The following AGBL4 variants were observed in gnomAD, a reference collection of about 807,000 sequenced individuals.
The protein encoded by AGBL4 is AGBL carboxypeptidase 4.
AGBL4 carries 58 observed loss-of-function variants against 66.4 expected under a neutral mutation model. The ratio of observed to expected loss-of-function variants is 0.87; its 90% CI spans 0.71 to 1.09. AGBL4 has a LOEUF of 1.09. Among genes scored for constraint, AGBL4 ranks in the 50% least tolerant of loss-of-function variants. The pLI is 0.00. For synonymous variants in AGBL4, 234 were observed against 222.9 expected (o/e 1.05, Z -0.44); for missense variants, 579 against 631.0 (o/e 0.92, Z 0.88).
At chr1:48,952,895 T>C (rs958339335) in intron 5 of AGBL4, among the ~76,000 whole-genome samples, 1 of 152,130 alleles carries the variant, frequency 6.6e-6, no homozygotes, top group African/African-American at 2.4e-5. Context: ...CTATCATTAG[T>C]GTTAGTGCAT....
At chr1:48,604,100 T>C (rs898849851) in intron 9 of AGBL4, among the ~76,000 whole-genome samples, 1 of 152,012 alleles carries the variant, frequency 6.6e-6, no homozygotes, top group Non-Finnish European at 1.5e-5. Flanking sequence ...ACCACCGCAC[T>C]ACAGCCTGGG....
At chr1:49,478,875 TTC>T (rs1161621498) in intron 3 of AGBL4, among the ~76,000 whole-genome samples, 1 of 133,732 alleles carries the variant, frequency 7.5e-6, no homozygotes, top group African/African-American at 2.6e-5. Flanking sequence ...TTTATTAATT[TTC>T]TTTTTGTTTG....
intron 6 of AGBL4, among the ~76,000 whole-genome samples, chr1:48,701,779 G>A (rs1429568892): frequency 6.6e-6 from 1 of 152,164 alleles, no homozygotes; most frequent in Non-Finnish European, 1.5e-5. Context: ...CCGGATGCCA[G>A]TTCCTTTGTT....
intron 12 of AGBL4, among the ~76,000 whole-genome samples, chr1:48,535,861 G>A (rs1004684765): frequency 2.6e-5 from 4 of 152,004 alleles, no homozygotes; most frequent in Non-Finnish European, 5.9e-5. Flanking sequence ...GGTTGAAGTC[G>A]GTAATTTTGG....
chr1:49,961,326 T>C (rs538730881), intron 1 of AGBL4, among the ~76,000 whole-genome samples: 14 of 151,828 alleles, frequency 9.2e-5, no homozygotes, highest in African/African-American at 2.9e-4. Flanking sequence ...CTGGGCAACA[T>C]AGTGAGACAC....
At chr1:49,244,545 G>T (rs1392161797) in intron 4 of AGBL4, among the ~76,000 whole-genome samples, 1 of 151,726 alleles carries the variant, frequency 6.6e-6, no homozygotes, top group Non-Finnish European at 1.5e-5. Context: ...ATAGAAAATT[G>T]CCAAGTATCA....
intron 1 of AGBL4, among the ~76,000 whole-genome samples, chr1:49,899,589 T>C (rs138923666): frequency 2.4e-4 from 36 of 152,238 alleles, no homozygotes; most frequent in African/African-American, 8.4e-4. Context: ...CATGGACTTG[T>C]TTCTTTATCT....
chr1:49,108,124 C>A (rs1378547666), intron 4 of AGBL4, among the ~76,000 whole-genome samples: 1 of 152,200 alleles, frequency 6.6e-6, no homozygotes, highest in Non-Finnish European at 1.5e-5. Flanking sequence ...CAACCCTCTG[C>A]ACTGTAAGAA....
intron 3 of AGBL4, among the ~76,000 whole-genome samples, chr1:49,657,780 G>A (rs1237097387): frequency 2.0e-5 from 3 of 152,152 alleles, no homozygotes; most frequent in Admixed American, 1.3e-4. Context: ...TTTAATAAAT[G>A]GTGCTGGGAA....
At chr1:49,237,008 C>G (rs936509189) in intron 4 of AGBL4, among the ~76,000 whole-genome samples, 4 of 151,792 alleles carry the variant, frequency 2.6e-5, no homozygotes, top group African/African-American at 9.7e-5. Context: ...GTAATCCCAG[C>G]ACTTTGGGAG....
intron 3 of AGBL4, among the ~76,000 whole-genome samples, chr1:49,685,267 A>G (rs983792611): frequency 3.3e-5 from 5 of 152,014 alleles, no homozygotes; most frequent in African/African-American, 1.2e-4. Flanking sequence ...TACATACCAC[A>G]TTTTCTTCAA....
At chr1:49,197,847 T>A (rs1333274298) in intron 4 of AGBL4, among the ~76,000 whole-genome samples, 1 of 152,150 alleles carries the variant, frequency 6.6e-6, no homozygotes, top group Non-Finnish European at 1.5e-5. Context: ...CTATATTCAT[T>A]TCTTGGTTCT....
At chr1:49,551,818 T>C (rs911666178) in intron 3 of AGBL4, among the ~76,000 whole-genome samples, 1 of 152,248 alleles carries the variant, frequency 6.6e-6, no homozygotes, top group East Asian at 1.9e-4. Context: ...GCTGTGGTAG[T>C]ATAGAGAGGA....
intron 5 of AGBL4, among the ~76,000 whole-genome samples, chr1:48,960,856 C>T (rs1329113510): frequency 6.6e-6 from 1 of 152,160 alleles, no homozygotes; most frequent in East Asian, 1.9e-4. Context: ...TGCTATGGGT[C>T]ATATATAAAA....
At chr1:49,788,211 A>C (rs1228177458) in intron 2 of AGBL4, among the ~76,000 whole-genome samples, 1 of 152,224 alleles carries the variant, frequency 6.6e-6, no homozygotes, top group Non-Finnish European at 1.5e-5. Flanking sequence ...GCCCCAAGTT[A>C]CAGACACTTG....
intron 3 of AGBL4, among the ~76,000 whole-genome samples, chr1:49,290,093 T>A (rs1644505615): frequency 6.6e-6 from 1 of 152,178 alleles, no homozygotes; most frequent in East Asian, 1.9e-4. Flanking sequence ...AATAAAATCA[T>A]CAAATTACTC....
chr1:49,104,622 C>T (rs548895050), intron 4 of AGBL4, among the ~76,000 whole-genome samples: 16 of 152,178 alleles, frequency 1.1e-4, no homozygotes, highest in Admixed American at 7.9e-4. Context: ...CTACTAAATT[C>T]GTCTGAATCC....
intron 3 of AGBL4, among the ~76,000 whole-genome samples, chr1:49,535,178 G>T (rs945503414): frequency 6.6e-6 from 1 of 151,970 alleles, no homozygotes; most frequent in African/African-American, 2.4e-5. Context: ...CAAGTGCAGA[G>T]AATAACTTTA....
intron 3 of AGBL4, among the ~76,000 whole-genome samples, chr1:49,427,131 GA>G (rs1045300450): frequency 2.0e-5 from 3 of 151,976 alleles, no homozygotes; most frequent in African/African-American, 7.2e-5. Flanking sequence ...AGGAAAGAAA[GA>G]AAAAACATTG....
Sources: gnomAD v4.1 joint callset for allele counts (sites outside exome capture counted in the v4.1 genomes callset) on GRCh38, gnomAD v4.1.1 for gene constraint, MANE v1.5 for transcripts, NCBI Gene and HGNC (gene_info 2026-07-23, HGNC 2026-07-21) for gene names.